The following MREG variants were observed in gnomAD, a reference collection of about 807,000 sequenced individuals.
MREG encodes the protein dilute suppressor protein homolog.
Under a neutral mutation model 28.5 loss-of-function variants are expected in MREG, and 31 were observed. The observed-to-expected ratio is 1.09, with a 90% CI of 0.82 to 1.47. The LOEUF (loss-of-function observed/expected upper bound fraction) is 1.47, where lower values mean the gene tolerates loss of function less well. Ranked by LOEUF, MREG falls within the 40% of genes most tolerant of loss-of-function variation. MREG has a pLI of 0.00. For missense variants in MREG, 256 were observed against 257.4 expected (o/e 0.99, Z 0.04); for synonymous variants, 106 against 95.2 (o/e 1.11, Z -0.66).
rs869259776 is a variant in MREG at position 215,943,970 on chromosome 2, C to CTTTTTT, written c.*887_*892dup. ...AAGTACAACACATGAATACATAACTCTTTTTTTTTTTTTTTTTTTTTTTTT... is the reference window on the plus strand; with the variant it reads ...AAGTACAACACATGAATACATAACTCTTTTTTTTTTTTTTTTTTTTTTTTTTTTTTT... On this transcript the variant is annotated 3_prime_UTR_variant, in exon 5 of 5. Coordinates refer to ENST00000263268, the MANE Select transcript of MREG (RefSeq NM_018000.3). 3.1e-5 allele frequency: 2 copies of CTTTTTT among 65,226 alleles called. No individual in the cohort carries two copies. The highest frequency in any genetic ancestry group is 1.3e-4 in the African/African-American group (2 of 15,220). 4.0% of individuals were successfully genotyped at this position (65,226 alleles called of 1,614,324 possible). A position where few individuals can be genotyped will look rare whatever the true frequency, so the allele number is the denominator to read the frequency against.
chr2:215,941,692 A>G (rs1250185559), downstream of MREG: 1 of 152,250 alleles, frequency 6.6e-6, no homozygotes, highest in Non-Finnish European at 1.5e-5. Context: ...ACCTTTTATT[A>G]AGGTGGCTGT....
chr2:215,953,999 G>T (rs915417216), intron 2 of MREG, among the ~76,000 whole-genome samples: 4 of 152,216 alleles, frequency 2.6e-5, no homozygotes, highest in African/African-American at 9.6e-5. Flanking sequence ...CAATCTTTCT[G>T]TCCCAGAAGT....
chr2:216,011,366 C>T (rs1020212773), intron 1 of MREG, among the ~76,000 whole-genome samples: 1 of 152,160 alleles, frequency 6.6e-6, no homozygotes, highest in African/African-American at 2.4e-5. Context: ...CCAGTCCACT[C>T]ATACCCACAT....
chr2:216,031,691 G>GAGAAAGAAAGAA (rs1395273679), intron 1 of MREG, among the ~76,000 whole-genome samples: 16 of 61,152 alleles, frequency 2.6e-4, no homozygotes, highest in African/African-American at 9.0e-4. Flanking sequence ...AAGAAAGAAA[G>GAGAAAGAAAGAA]AGAAAGAAAG....
intron 1 of MREG, among the ~76,000 whole-genome samples, chr2:216,007,831 T>G (rs1694201386): frequency 6.6e-6 from 1 of 151,972 alleles, no homozygotes. Context: ...AACATACATG[T>G]TGGATAAGCT....
At chr2:216,012,797 T>C (rs1694347714) in intron 1 of MREG, among the ~76,000 whole-genome samples, 1 of 152,188 alleles carries the variant, frequency 6.6e-6, no homozygotes, top group South Asian at 2.1e-4. Flanking sequence ...ATCGTCTTCG[T>C]TGGGTAATAA....
Position 215,944,671 on chromosome 2 carries a change from C to T in MREG, c.*192G>A, listed in dbSNP as rs1317430157. The T allele has an allele frequency of 4.4e-6, 2 of 452,392 alleles. No homozygotes were observed. The highest frequency in any genetic ancestry group is 3.9e-5 in the African/African-American group (2 of 51,532). 28.0% of individuals were successfully genotyped at this position (452,392 alleles called of 1,614,324 possible). On this transcript the variant is annotated 3_prime_UTR_variant, in exon 5 of 5. Transcript: ENST00000263268. Reference sequence around the variant, plus strand: ...CTTCCTAAATATGAGATCACCAAGGCGTTTCAATGCAGCCTGCACAATTCA... The same window carrying T: ...CTTCCTAAATATGAGATCACCAAGGTGTTTCAATGCAGCCTGCACAATTCA...
intron 2 of MREG, among the ~76,000 whole-genome samples, chr2:215,991,823 A>G (rs1386591331): frequency 6.6e-6 from 1 of 152,244 alleles, no homozygotes; most frequent in East Asian, 1.9e-4. Context: ...CCGGACACAT[A>G]CACACTCCTA....
chr2:216,031,693 GAAAGAA>G (rs140039506), intron 1 of MREG, among the ~76,000 whole-genome samples: 10,904 of 128,426 alleles, frequency 0.085, 495 homozygotes, highest in South Asian at 0.17. Flanking sequence ...GAAAGAAAGA[GAAAGAA>G]AGAAAGAAAG....
At chr2:216,013,619 C>A (rs1694378155), upstream of MREG, 1 of 153,858 alleles carries the variant, frequency 6.5e-6, no homozygotes, top group African/African-American at 2.4e-5. Flanking sequence ...CCACGAGACG[C>A]CCCGCTACCG....
intron 1 of MREG, among the ~76,000 whole-genome samples, chr2:216,000,245 C>G (rs1389910228): frequency 2.0e-5 from 3 of 152,016 alleles, no homozygotes; most frequent in Non-Finnish European, 4.4e-5. Context: ...GGCCAGACAG[C>G]CAGCTGACAG....
downstream of MREG, chr2:215,941,705 C>T (rs777690884): frequency 1.3e-5 from 2 of 152,184 alleles, no homozygotes; most frequent in Admixed American, 6.5e-5. Flanking sequence ...GTGGCTGTGT[C>T]CTATCTCCTG....
chr2:215,993,299 T>C (rs565318129), intron 2 of MREG, among the ~76,000 whole-genome samples: 1 of 152,236 alleles, frequency 6.6e-6, no homozygotes, highest in Non-Finnish European at 1.5e-5. Context: ...TTGACAAACT[T>C]GACAAAAACA....
intron 1 of MREG, among the ~76,000 whole-genome samples, chr2:216,020,960 T>C (rs914247028): frequency 2.0e-5 from 3 of 152,168 alleles, no homozygotes; most frequent in Admixed American, 6.5e-5. Flanking sequence ...TTTCACTGAA[T>C]GTAAAGGGAC....
intron 3 of MREG, among the ~76,000 whole-genome samples, chr2:215,946,363 A>C (rs1692319463): frequency 6.6e-6 from 1 of 152,040 alleles, no homozygotes; most frequent in African/African-American, 2.4e-5. Context: ...CCACGCTTGA[A>C]AAGTGATGAT....
intron 2 of MREG, among the ~76,000 whole-genome samples, chr2:215,976,042 G>A (rs1482891359): frequency 2.6e-5 from 4 of 151,948 alleles, no homozygotes; most frequent in Admixed American, 6.6e-5. Flanking sequence ...CAGGAGGCAG[G>A]GGTTGCAGTG....
At position 215,943,883 on chromosome 2, in the gene MREG, G is replaced by C; in HGVS notation, c.*980C>G. ...AAAAGAGCGAAAGGCTTTTGGAATAGAAATGGACAATATACAAAGATGAGA... is the reference window on the plus strand; with the variant it reads ...AAAAGAGCGAAAGGCTTTTGGAATACAAATGGACAATATACAAAGATGAGA... On this transcript the variant is annotated 3_prime_UTR_variant, in exon 5 of 5. Transcript: ENST00000263268. 1 of 134,166 alleles carries C rather than the reference G, an allele frequency of 7.5e-6. No individual in the cohort carries two copies. The highest frequency in any genetic ancestry group is 2.3e-4 in the South Asian group (1 of 4,268). The allele number at this position is 134,166 out of a possible 1,614,324, so 8.3% of individuals were successfully genotyped here.
chr2:215,992,234 G>C (rs1168973230), intron 2 of MREG, among the ~76,000 whole-genome samples: 3 of 152,166 alleles, frequency 2.0e-5, no homozygotes, highest in Non-Finnish European at 4.4e-5. Context: ...ATGCAAGGCT[G>C]GTTCAACATA....
chr2:215,957,665 G>A (rs910509013), intron 2 of MREG, among the ~76,000 whole-genome samples: 5 of 152,026 alleles, frequency 3.3e-5, no homozygotes, highest in Admixed American at 6.6e-5. Flanking sequence ...TCAGGCTTCC[G>A]GACTGAGAAA....
Sources: gnomAD v4.1 joint callset for allele counts (sites outside exome capture counted in the v4.1 genomes callset) on GRCh38, gnomAD v4.1.1 for gene constraint, MANE v1.5 for transcripts, NCBI Gene and HGNC (gene_info 2026-07-23, HGNC 2026-07-21) for gene names.